LRRC37A: variants seen among roughly 807,000 people sequenced by gnomAD.
LRRC37A encodes the protein leucine-rich repeat-containing protein 37A.
Under a neutral mutation model 35.4 loss-of-function variants are expected in LRRC37A, and 3 were observed. The observed-to-expected ratio is 0.08, with a 90% CI of 0.04 to 0.22. The LOEUF (loss-of-function observed/expected upper bound fraction) is 0.22. Ranked by LOEUF, LRRC37A falls within the 10% of genes least tolerant of loss-of-function variation. LRRC37A has a pLI of 1.00. For synonymous variants in LRRC37A, 23 were observed against 215.0 expected (o/e 0.11, Z 7.81); for missense variants, 67 against 565.3 (o/e 0.12, Z 8.94).
At chr17:46,304,580 G>A (rs1201202141) in intron 3 of LRRC37A, among the ~76,000 whole-genome samples, 3 of 76,734 alleles carry the variant, frequency 3.9e-5, no homozygotes, top group East Asian at 2.5e-4. Flanking sequence ...GCCAGACAAC[G>A]TTACACCATC....
At chr17:46,278,007 G>A in the LRRC37A span, among the ~76,000 whole-genome samples, 1 of 151,970 alleles carries the variant, frequency 6.6e-6, no homozygotes, top group Non-Finnish European at 1.5e-5. Context: ...GTGTAGTGGT[G>A]TGGTCTCCAC....
chr17:46,269,852 C>A, the LRRC37A span, among the ~76,000 whole-genome samples: 21,702 of 151,778 alleles, frequency 0.14, 1,890 homozygotes, highest in Non-Finnish European at 0.22. Flanking sequence ...TTTGTTTTAG[C>A]CTTTGAGCCC....
chr17:46,248,115 A>C, the LRRC37A span, among the ~76,000 whole-genome samples: 75 of 152,090 alleles, frequency 4.9e-4, 4 homozygotes, highest in African/African-American at 1.8e-3. Context: ...TCCCACTTAC[A>C]ACACTTAAGA....
chr17:46,258,740 AG>A, the LRRC37A span, among the ~76,000 whole-genome samples: 1 of 122,034 alleles, frequency 8.2e-6, no homozygotes, highest in Non-Finnish European at 1.6e-5. Context: ...TTTGAGATAG[AG>A]TCTCACTTGG....
At chr17:46,279,500 CT>C in the LRRC37A span, among the ~76,000 whole-genome samples, 416 of 122,342 alleles carry the variant, frequency 3.4e-3, no homozygotes, top group African/African-American at 5.7e-3. Context: ...TTCTTTCTTT[CT>C]TTTTTTTTTT....
the LRRC37A span, among the ~76,000 whole-genome samples, chr17:46,278,696 C>T: frequency 4.6e-5 from 7 of 152,298 alleles, no homozygotes; most frequent in South Asian, 1.4e-3. Flanking sequence ...GCCACCGCAC[C>T]TGGCTGAGTC....
At chr17:46,277,078 C>T in the LRRC37A span, among the ~76,000 whole-genome samples, 1 of 152,204 alleles carries the variant, frequency 6.6e-6, no homozygotes, top group Admixed American at 6.5e-5. Flanking sequence ...GTGTTGAGAT[C>T]ACAGGTGTGA....
At chr17:46,261,749 A>T in the LRRC37A span, among the ~76,000 whole-genome samples, 1 of 146,568 alleles carries the variant, frequency 6.8e-6, no homozygotes, top group Non-Finnish European at 1.5e-5. Flanking sequence ...AAAAAAAAAA[A>T]GAAGAAGAAG....
intron 5 of LRRC37A, among the ~76,000 whole-genome samples, chr17:46,314,293 TGTC>T (rs1232492080): frequency 3.2e-5 from 1 of 31,506 alleles, no homozygotes; most frequent in African/African-American, 7.4e-5. Flanking sequence ...AAAAAACTGT[TGTC>T]TAATTTAAGG....
At chr17:46,285,283 C>T in the LRRC37A span, among the ~76,000 whole-genome samples, 2 of 151,322 alleles carry the variant, frequency 1.3e-5, no homozygotes, top group Non-Finnish European at 1.5e-5. Context: ...CACTGTCACC[C>T]GAGCTGGAGT....
the LRRC37A span, chr17:46,268,657 G>C: frequency 6.5e-7 from 1 of 1,537,998 alleles, no homozygotes; most frequent in African/African-American, 1.4e-5. Flanking sequence ...AAAAGGGAAG[G>C]GCAAATTCAA....
At position 46,325,915 on chromosome 17, in the gene LRRC37A, C is replaced by G. The variant is rs559558441; in HGVS notation, c.3054-2477C>G. Among the ~76,000 whole-genome samples the G allele has an allele frequency of 6.3e-5, 4 of 63,716 alleles. 2 individuals carry two copies. The East Asian group carries it at 1.0e-3, about 16-fold the overall frequency. The allele number at this position is 63,716 out of a possible 152,430, so 41.8% of individuals were successfully genotyped here. On this transcript the variant is annotated intron_variant, in intron 7 of 13. Coordinates refer to ENST00000320254, the Ensembl canonical transcript of LRRC37A. Reference sequence around the variant, plus strand: ...ATACCATTTGAAAATGTTTCCCAGCCATTCTAAGGCTTAAAGGAAAAAAAG... The same window carrying G: ...ATACCATTTGAAAATGTTTCCCAGCGATTCTAAGGCTTAAAGGAAAAAAAG...
the LRRC37A span, among the ~76,000 whole-genome samples, chr17:46,282,104 T>A: frequency 1.3e-5 from 2 of 152,090 alleles, no homozygotes; most frequent in Non-Finnish European, 2.9e-5. Flanking sequence ...TTTTTGTTTT[T>A]GTTTTTGTTT....
the LRRC37A span, among the ~76,000 whole-genome samples, chr17:46,285,670 G>A: frequency 6.6e-6 from 1 of 152,348 alleles, no homozygotes; most frequent in South Asian, 2.1e-4. Flanking sequence ...GATTATCTGA[G>A]TGTTAGATAA....
At chr17:46,257,006 A>T in the LRRC37A span, among the ~76,000 whole-genome samples, 3 of 152,350 alleles carry the variant, frequency 2.0e-5, no homozygotes, top group African/African-American at 7.2e-5. Flanking sequence ...ACCTTATATT[A>T]AGAGCACTGG....
intron 3 of LRRC37A, among the ~76,000 whole-genome samples, chr17:46,304,875 G>T (rs1291140589): frequency 3.1e-5 from 2 of 63,990 alleles, no homozygotes; most frequent in African/African-American, 7.3e-5. Flanking sequence ...TTGTTTGTTT[G>T]TTTGTTTGTT....
At chr17:46,253,748 C>T in the LRRC37A span, among the ~76,000 whole-genome samples, 2 of 134,866 alleles carry the variant, frequency 1.5e-5, no homozygotes, top group East Asian at 2.3e-4. Flanking sequence ...GAGAGGGAGA[C>T]CGTGGGGAGA....
the LRRC37A span, among the ~76,000 whole-genome samples, chr17:46,250,697 T>C: frequency 3.3e-5 from 5 of 152,232 alleles, no homozygotes; most frequent in African/African-American, 1.2e-4. Context: ...TAATACTTAA[T>C]AAACTCCTGT....
the LRRC37A span, among the ~76,000 whole-genome samples, chr17:46,280,570 T>TTTTTC: frequency 5.8e-5 from 1 of 17,158 alleles, no homozygotes; most frequent in Non-Finnish European, 1.9e-4. Context: ...GATAGCACAC[T>TTTTTC]TTTTTTTTTT....
Sources: gnomAD v4.1 joint callset for allele counts (sites outside exome capture counted in the v4.1 genomes callset) on GRCh38, gnomAD v4.1.1 for gene constraint, MANE v1.5 for transcripts, NCBI Gene and HGNC (gene_info 2026-07-23, HGNC 2026-07-21) for gene names.